The following CEP70 variants were observed in gnomAD, a reference collection of about 807,000 sequenced individuals.
CEP70 encodes centrosomal protein of 70 kDa.
A neutral mutation model predicts 90.9 loss-of-function variants in CEP70; 70 were observed. That is an observed-to-expected ratio of 0.77 (90% CI 0.64 to 0.94). CEP70 has a LOEUF of 0.94. CEP70 is among the 40% of genes least tolerant of loss of function. CEP70 has a pLI of 0.00. For missense variants in CEP70, 648 were observed against 669.0 expected, an observed-to-expected ratio of 0.97 and a Z score of 0.35; for synonymous variants, 220 against 228.3, an observed-to-expected ratio of 0.96 and a Z score of 0.33.
Position 138,541,941 on chromosome 3 carries a change from A to G in CEP70, c.466-4594T>C, listed in dbSNP as rs145410695. On this transcript the variant is annotated intron_variant, in intron 6 of 17. Coordinates refer to ENST00000264982, the MANE Select transcript of CEP70 (RefSeq NM_024491.4). Reference sequence around the variant, plus strand: ...GAGAGGCTGAGGTGGGAGCATCACAAGATCCTCAGTGTGTCGCTTCACCAG... The same window carrying G: ...GAGAGGCTGAGGTGGGAGCATCACAGGATCCTCAGTGTGTCGCTTCACCAG... 5.6e-3 allele frequency among the ~76,000 whole-genome samples: 859 copies of G among 152,332 alleles called. 7 individuals carry two copies. Among genetic ancestry groups the G allele is most frequent in the African/African-American group, 0.02 (827 of 41,582 alleles).
chr3:138,563,263 AC>A (rs2040542725), intron 6 of CEP70, among the ~76,000 whole-genome samples: 1 of 152,156 alleles, frequency 6.6e-6, no homozygotes. Context: ...AGACTTTAAC[AC>A]CCCACTATCA....
chr3:138,557,375 C>A (rs892965367), intron 6 of CEP70, among the ~76,000 whole-genome samples: 1 of 152,156 alleles, frequency 6.6e-6, no homozygotes, highest in Non-Finnish European at 1.5e-5. Context: ...ACATCCTCCT[C>A]AGCTGACAGG....
chr3:138,547,054 T>TA (rs1287516201), intron 6 of CEP70, among the ~76,000 whole-genome samples: 1 of 151,882 alleles, frequency 6.6e-6, no homozygotes, highest in Non-Finnish European at 1.5e-5. Flanking sequence ...TGAAATGAAA[T>TA]AAAAAACGGA....
At chr3:138,582,810 A>G (rs1184513450) in intron 2 of CEP70, among the ~76,000 whole-genome samples, 2 of 152,086 alleles carry the variant, frequency 1.3e-5, no homozygotes, top group Non-Finnish European at 2.9e-5. Flanking sequence ...ATTATAAGAT[A>G]GTATTTTCAA....
At chr3:138,500,344 T>C in intron 15 of CEP70, 55 bp downstream of exon 15, 1 of 1,528,014 alleles carries the variant, frequency 6.5e-7, no homozygotes, top group Non-Finnish European at 8.8e-7. Flanking sequence ...CTACTTTTTG[T>C]TAATTTATTA....
At chr3:138,546,979 T>C (rs1397355594) in intron 6 of CEP70, among the ~76,000 whole-genome samples, 1 of 152,178 alleles carries the variant, frequency 6.6e-6, no homozygotes, top group Non-Finnish European at 1.5e-5. Context: ...TCTCAGCTTC[T>C]GGAACTATTT....
At chr3:138,578,934 G>A (rs1347153884) in intron 2 of CEP70, among the ~76,000 whole-genome samples, 1 of 152,240 alleles carries the variant, frequency 6.6e-6, no homozygotes, top group Non-Finnish European at 1.5e-5. Context: ...AGCAATCACA[G>A]TAACTGGTTT....
chr3:138,590,903 G>C (rs150228374), intron 2 of CEP70, among the ~76,000 whole-genome samples: 1 of 152,188 alleles, frequency 6.6e-6, no homozygotes, highest in East Asian at 1.9e-4. Context: ...CAGGAGTTTT[G>C]ACTGGGATAG....
chr3:138,522,580 A>T (rs2036779560), intron 11 of CEP70, among the ~76,000 whole-genome samples: 1 of 152,230 alleles, frequency 6.6e-6, no homozygotes, highest in Non-Finnish European at 1.5e-5. Context: ...CTACCATCGG[A>T]GAATACTATA....
chr3:138,498,563 T>C (rs1289547526), intron 16 of CEP70, among the ~76,000 whole-genome samples: 2 of 151,512 alleles, frequency 1.3e-5, no homozygotes, highest in African/African-American at 2.4e-5. Context: ...CTCAATCTCC[T>C]GACCTCGTGA....
At chr3:138,527,624 G>A (rs1452027923) in intron 10 of CEP70, among the ~76,000 whole-genome samples, 2 of 150,806 alleles carry the variant, frequency 1.3e-5, no homozygotes, top group East Asian at 2.0e-4. Flanking sequence ...GAGCCCGGGA[G>A]GCAGAGGCTG....
chr3:138,533,525 G>T (rs1348367902), intron 7 of CEP70, among the ~76,000 whole-genome samples: 3 of 152,068 alleles, frequency 2.0e-5, no homozygotes, highest in African/African-American at 7.2e-5. Flanking sequence ...GTGTATGAAG[G>T]GGCAATGTTG....
chr3:138,521,896 T>C (rs2036691674), intron 11 of CEP70, among the ~76,000 whole-genome samples: 1 of 152,230 alleles, frequency 6.6e-6, no homozygotes, highest in African/African-American at 2.4e-5. Context: ...TGTGTCTGTG[T>C]AGAAAGAAGT....
At chr3:138,584,957 A>T (rs2042040646) in intron 2 of CEP70, among the ~76,000 whole-genome samples, 1 of 152,126 alleles carries the variant, frequency 6.6e-6, no homozygotes, top group East Asian at 1.9e-4. Flanking sequence ...AAAAGATTCA[A>T]ATAAAATCAG....
At chr3:138,529,317 ACTTT>A (rs2037591278) in intron 9 of CEP70, 30 bp from the exon 10 acceptor site, 1 of 1,568,810 alleles carries the variant, frequency 6.4e-7, no homozygotes, top group Non-Finnish European at 8.7e-7. Context: ...AAAATAATTA[ACTTT>A]CTTAGATTAC....
chr3:138,509,776 T>A (rs1304833443), intron 11 of CEP70, among the ~76,000 whole-genome samples: 1 of 152,168 alleles, frequency 6.6e-6, no homozygotes, highest in East Asian at 1.9e-4. Context: ...ATGTGATTCA[T>A]CCCTTTGTCC....
At chr3:138,554,093 C>T (rs914601989) in intron 6 of CEP70, among the ~76,000 whole-genome samples, 10 of 151,598 alleles carry the variant, frequency 6.6e-5, no homozygotes, top group Non-Finnish European at 1.5e-4. Flanking sequence ...CCCAGCTACT[C>T]AGGAGACTGA....
At chr3:138,527,439 G>T (rs1221561909) in intron 10 of CEP70, among the ~76,000 whole-genome samples, 1 of 151,744 alleles carries the variant, frequency 6.6e-6, no homozygotes, top group Non-Finnish European at 1.5e-5. Flanking sequence ...GCTCACGCTT[G>T]TAATTAACAC....
chr3:138,494,847 C>A lies in CEP70; in HGVS notation c.*168G>T. On this transcript the variant is annotated 3_prime_UTR_variant, in exon 18 of 18. Coordinates refer to ENST00000264982, the MANE Select transcript of CEP70 (RefSeq NM_024491.4). ...TTGCAACTATTTTCTGTATAAGAAT[C>A]TCAAAGTTAATAAAAATTATACAGA... The A allele has an allele frequency of 2.0e-6, 1 of 501,778 alleles. No individual in the cohort carries two copies. The allele number at this position is 501,778 out of a possible 1,614,324, so 31.1% of individuals were successfully genotyped here.
Sources: allele counts gnomAD v4.1 joint callset (sites outside exome capture counted in the v4.1 genomes callset), GRCh38; gene constraint gnomAD v4.1.1; transcripts MANE v1.5; gene names NCBI Gene and HGNC (gene_info 2026-07-23, HGNC 2026-07-21).